The following SPOCK1 variants were observed in gnomAD, a reference collection of about 807,000 sequenced individuals.
The protein encoded by SPOCK1 is SPARC (osteonectin), cwcv and kazal like domains proteoglycan 1, also known as testican-1.
A neutral mutation model predicts 55.3 loss-of-function variants in SPOCK1; 23 were observed. The observed-to-expected ratio is 0.42, with a 90% CI of 0.30 to 0.59. The LOEUF is 0.59. Ranked by LOEUF, SPOCK1 falls within the 20% of genes least tolerant of loss-of-function variation. The pLI is 0.22. For missense variants in SPOCK1, 499 were observed against 552.5 expected (o/e 0.90, Z 0.97); for synonymous variants, 226 against 221.0 (o/e 1.02, Z -0.20).
intron 6 of SPOCK1, among the ~76,000 whole-genome samples, chr5:137,021,991 C>T (rs1051439192): frequency 6.6e-6 from 1 of 152,048 alleles, no homozygotes; most frequent in Admixed American, 6.6e-5. Context: ...TCAAAATATG[C>T]TCTTCTTTAT....
At chr5:137,333,657 C>T (rs538377722) in intron 2 of SPOCK1, among the ~76,000 whole-genome samples, 12 of 152,346 alleles carry the variant, frequency 7.9e-5, no homozygotes, top group Admixed American at 2.6e-4. Flanking sequence ...AATTCAAGTG[C>T]TCAGGCACTG....
intron 2 of SPOCK1, among the ~76,000 whole-genome samples, chr5:137,349,487 T>C (rs1024732120): frequency 6.6e-6 from 1 of 152,150 alleles, no homozygotes; most frequent in Non-Finnish European, 1.5e-5. Context: ...ACAGCATAGA[T>C]GGTATAGGGG....
intron 3 of SPOCK1, among the ~76,000 whole-genome samples, chr5:137,178,855 A>G (rs1181829944): frequency 6.6e-6 from 1 of 152,222 alleles, no homozygotes; most frequent in African/African-American, 2.4e-5. Context: ...CGTGTAAACC[A>G]CTATATCCCC....
At chr5:137,317,656 C>T (rs139988943) in intron 2 of SPOCK1, among the ~76,000 whole-genome samples, 3 of 152,184 alleles carry the variant, frequency 2.0e-5, no homozygotes, top group Admixed American at 1.3e-4. Flanking sequence ...ATGTCTGACA[C>T]GTCAACCCTA....
At chr5:137,496,394 T>C (rs976362019) in intron 2 of SPOCK1, among the ~76,000 whole-genome samples, 1 of 152,196 alleles carries the variant, frequency 6.6e-6, no homozygotes, top group Non-Finnish European at 1.5e-5. Flanking sequence ...ATCATGCTTA[T>C]GATACACTGA....
At chr5:137,347,804 C>T (rs1430321525) in intron 2 of SPOCK1, among the ~76,000 whole-genome samples, 1 of 152,086 alleles carries the variant, frequency 6.6e-6, no homozygotes, top group Non-Finnish European at 1.5e-5. Flanking sequence ...CCCAGAGCCA[C>T]GCCTCCTCTG....
chr5:137,456,098 G>C (rs776842135), intron 2 of SPOCK1, among the ~76,000 whole-genome samples: 1 of 152,052 alleles, frequency 6.6e-6, no homozygotes, highest in Non-Finnish European at 1.5e-5. Context: ...AGGAGGAAAA[G>C]AATTCAGAGA....
At position 137,242,670 on chromosome 5, in the gene SPOCK1, C is replaced by T. The variant is rs548674690; in HGVS notation, c.232+24340G>A. On this transcript the variant is annotated intron_variant, in intron 3 of 10. Coordinates refer to ENST00000394945, the MANE Select transcript of SPOCK1 (RefSeq NM_004598.4). ...GGAGAATCACCTGAGCCCAGGAGGT[C>T]GAGGCTGTAGTGAGCTGTGATTTCG... Among the ~76,000 whole-genome samples the T allele has an allele frequency of 3.3e-3, 505 of 152,142 alleles. 6 individuals carry two copies. The highest frequency in any genetic ancestry group is 0.011 in the African/African-American group (472 of 41,518).
At chr5:137,453,645 A>G (rs933402258) in intron 2 of SPOCK1, among the ~76,000 whole-genome samples, 1 of 152,226 alleles carries the variant, frequency 6.6e-6, no homozygotes, top group Admixed American at 6.5e-5. Context: ...CTCTTGTTCA[A>G]GAATAGTTTT....
rs7709853 is a variant in SPOCK1 at position 137,348,238 on chromosome 5, T to C, written c.187-81183A>G. On this transcript the variant is annotated intron_variant, in intron 2 of 10. Transcript: ENST00000394945. ...GACATTCAGTAATATGGGGTTCAAGTAATAGTTTCATCAGGGCCACAGGGG... is the reference window on the plus strand; with the variant it reads ...GACATTCAGTAATATGGGGTTCAAGCAATAGTTTCATCAGGGCCACAGGGG... Among the ~76,000 whole-genome samples the C allele has an allele frequency of 4.7e-3, 723 of 152,318 alleles. 9 individuals are homozygous for C. Among genetic ancestry groups the C allele is most frequent in the Non-Finnish European group, 3.6e-3 (245 of 68,034 alleles).
intron 6 of SPOCK1, among the ~76,000 whole-genome samples, chr5:137,038,707 T>C (rs547288098): frequency 2.6e-5 from 4 of 152,330 alleles, no homozygotes; most frequent in East Asian, 1.9e-4. Context: ...AAAGAACTTA[T>C]GGGTCAGGGC....
At chr5:137,203,850 C>A (rs1755472171) in intron 3 of SPOCK1, among the ~76,000 whole-genome samples, 1 of 152,218 alleles carries the variant, frequency 6.6e-6, no homozygotes. Context: ...TCTACTTCAT[C>A]AATTAATCAA....
At chr5:137,044,884 A>C (rs890826462) in intron 6 of SPOCK1, among the ~76,000 whole-genome samples, 2 of 144,748 alleles carry the variant, frequency 1.4e-5, no homozygotes, top group Non-Finnish European at 3.0e-5. Context: ...ATGAGTGAGA[A>C]TATGCGGTGT....
At chr5:137,418,090 T>G (rs1395224117) in intron 2 of SPOCK1, among the ~76,000 whole-genome samples, 2 of 152,214 alleles carry the variant, frequency 1.3e-5, no homozygotes, top group African/African-American at 2.4e-5. Flanking sequence ...TAGCTGAGAA[T>G]GACGGCTTCC....
At chr5:137,398,452 AT>A (rs971927393) in intron 2 of SPOCK1, among the ~76,000 whole-genome samples, 10 of 152,196 alleles carry the variant, frequency 6.6e-5, no homozygotes, top group African/African-American at 2.4e-4. Context: ...GCCTTGGATC[AT>A]TAACTTATAT....
chr5:137,207,159 T>C (rs1755533209), intron 3 of SPOCK1, among the ~76,000 whole-genome samples: 1 of 152,188 alleles, frequency 6.6e-6, no homozygotes, highest in African/African-American at 2.4e-5. Flanking sequence ...GGTATCCAGG[T>C]ACAGAACCCC....
At chr5:137,306,501 G>A (rs966249922) in intron 2 of SPOCK1, among the ~76,000 whole-genome samples, 8 of 152,138 alleles carry the variant, frequency 5.3e-5, no homozygotes, top group South Asian at 2.1e-4. Context: ...TGCTTTCTTC[G>A]TCCAATTATC....
chr5:137,449,886 C>CAAAAA (rs562723108), intron 2 of SPOCK1, among the ~76,000 whole-genome samples: 10 of 52,892 alleles, frequency 1.9e-4, no homozygotes, highest in African/African-American at 2.4e-4. Context: ...GATGCTGTCT[C>CAAAAA]AAAAAAAAAA....
At chr5:136,984,918 T>A (rs1279896735) in intron 9 of SPOCK1, among the ~76,000 whole-genome samples, 17 of 152,230 alleles carry the variant, frequency 1.1e-4, no homozygotes, top group Admixed American at 1.1e-3. Context: ...ACTTCGGCCC[T>A]GGCTGACCTC....
Sources: allele counts gnomAD v4.1 joint callset (sites outside exome capture counted in the v4.1 genomes callset), GRCh38; gene constraint gnomAD v4.1.1; transcripts MANE v1.5; gene names NCBI Gene and HGNC (gene_info 2026-07-23, HGNC 2026-07-21).